Variants in THAP4 observed in about 807,000 individuals in gnomAD.
The protein encoded by THAP4 is peroxynitrite isomerase THAP4.
THAP4 carries 18 observed loss-of-function variants against 48.1 expected under a neutral mutation model. That is an observed-to-expected ratio of 0.37 (90% CI 0.26 to 0.56). THAP4 has a LOEUF of 0.56. Ranked by LOEUF, THAP4 falls within the 20% of genes least tolerant of loss-of-function variation. The pLI is 0.78. For missense variants in THAP4, 656 were observed against 774.9 expected, an observed-to-expected ratio of 0.85 and a Z score of 1.82; for synonymous variants, 345 against 324.9, an observed-to-expected ratio of 1.06 and a Z score of -0.66.
rs2067294921 is a variant in THAP4, at chr2:241,612,875, T to C, written c.1241-6402A>G. On this transcript the variant is annotated intron_variant, in intron 2 of 5. Transcript: ENST00000407315. This position sits in a 1 kb window ranked among gnomAD's most constrained non-coding sequence, Gnocchi z 4.1. ...CCTTCCAGATTGCAGGCGCGTGAGC[T>C]GGCTCACTGACACGTGCAGTGAGTG... 6.6e-6 allele frequency among the ~76,000 whole-genome samples: 1 copy of C among 152,228 alleles called. No individual in the cohort carries two copies. Among genetic ancestry groups the C allele is most frequent in the South Asian group, 2.1e-4 (1 of 4,836 alleles).
chr2:241,626,571 T>G (rs2067497993), intron 2 of THAP4, among the ~76,000 whole-genome samples: 1 of 142,190 alleles, frequency 7.0e-6, no homozygotes, highest in Admixed American at 7.1e-5. Context: ...ACAGTTTTTG[T>G]TTTTTTTTTT....
chr2:241,617,456 C>G, intron 2 of THAP4: 6 of 1,551,270 alleles, frequency 3.9e-6, no homozygotes, highest in Non-Finnish European at 5.2e-6. Context: ...CAAGGTTCCT[C>G]AAGGTTGTTT....
chr2:241,604,137 G>A (rs914620465), intron 3 of THAP4, among the ~76,000 whole-genome samples: 5 of 151,992 alleles, frequency 3.3e-5, no homozygotes, highest in Middle Eastern at 3.4e-3. Flanking sequence ...GGCTCGTCGC[G>A]GTCTCAGCTC....
At chr2:241,599,499 T>G (rs1260738473) in intron 5 of THAP4, among the ~76,000 whole-genome samples, 3 of 152,118 alleles carry the variant, frequency 2.0e-5, no homozygotes, top group African/African-American at 4.8e-5. Flanking sequence ...GAAGATTAAA[T>G]GGGAAAAAAT....
At chr2:241,596,406 C>A (rs1431163050) in intron 5 of THAP4, among the ~76,000 whole-genome samples, 1 of 148,650 alleles carries the variant, frequency 6.7e-6, no homozygotes, top group Non-Finnish European at 1.5e-5. Flanking sequence ...ACTTAGGAGG[C>A]TGAGGAAGGA....
At chr2:241,624,349 T>C (rs865831546) in intron 2 of THAP4, among the ~76,000 whole-genome samples, 2 of 151,918 alleles carry the variant, frequency 1.3e-5, no homozygotes, top group Non-Finnish European at 2.9e-5. Context: ...TAGCTGGGTG[T>C]GGTGGCGCGT....
Position 241,606,273 on chromosome 2 carries a change from C to G in THAP4, c.1400+41G>C, listed in dbSNP as rs974041924. The G allele has an allele frequency of 2.0e-6, 3 of 1,508,512 alleles. No individual in the cohort carries two copies. The African/African-American group carries it at 4.2e-5, about 21-fold the overall frequency. 93.4% of individuals were successfully genotyped at this position (1,508,512 alleles called of 1,614,324 possible). A position where few individuals can be genotyped will look rare whatever the true frequency, so the allele number is the denominator to read the frequency against. ...GAATTATTTTCAGAGACCTAGGCGGCCCATGAGTCAAGCAGGGTGGGGTGG... is the reference window on the plus strand; with the variant it reads ...GAATTATTTTCAGAGACCTAGGCGGGCCATGAGTCAAGCAGGGTGGGGTGG... On this transcript the variant is annotated intron_variant, in intron 3 of 5. Coordinates refer to ENST00000407315, the MANE Select transcript of THAP4 (RefSeq NM_015963.6).
In THAP4 at chr2:241,610,309, C is replaced by T. The variant is rs1420336361; in HGVS notation, c.1241-3836G>A. Among the ~76,000 whole-genome samples the T allele has an allele frequency of 2.6e-5, 4 of 152,152 alleles. No individual in the cohort carries two copies. The highest frequency in any genetic ancestry group is 4.1e-4 in the South Asian group (2 of 4,834). ...GGAAGCGCAGCCCCGCCTCAGGCGCCGCATCTCCGCCCTCTCTTGCGCCTG... is the reference window on the plus strand; with the variant it reads ...GGAAGCGCAGCCCCGCCTCAGGCGCTGCATCTCCGCCCTCTCTTGCGCCTG... On this transcript the variant is annotated intron_variant, in intron 2 of 5. Transcript: ENST00000407315. The surrounding 1 kb of genome is among the most constrained non-coding windows in gnomAD (Gnocchi z 4.2).
chr2:241,586,262 G>GAAAAAAAAA, intron 5 of THAP4, among the ~76,000 whole-genome samples: 1 of 83,988 alleles, frequency 1.2e-5, no homozygotes, highest in Non-Finnish European at 2.3e-5. Flanking sequence ...ATCTGAAGAG[G>GAAAAAAAAA]AAAAAAAAAA....
At chr2:241,593,077 C>A (rs2067005608) in intron 5 of THAP4, among the ~76,000 whole-genome samples, 1 of 152,012 alleles carries the variant, frequency 6.6e-6, no homozygotes, top group Non-Finnish European at 1.5e-5. Flanking sequence ...TCCCCCATCT[C>A]TATTAAAAAT....
chr2:241,594,360 G>C (rs1330898077), intron 5 of THAP4, among the ~76,000 whole-genome samples: 1 of 152,130 alleles, frequency 6.6e-6, no homozygotes, highest in Non-Finnish European at 1.5e-5. Flanking sequence ...AAGGCAGGAG[G>C]ATTGCTTAAG....
chr2:241,630,550 G>T (rs1014463890), intron 2 of THAP4, among the ~76,000 whole-genome samples: 1 of 152,114 alleles, frequency 6.6e-6, no homozygotes, highest in African/African-American at 2.4e-5. Flanking sequence ...AGGCCGAGGC[G>T]GGTGGATCAC....
In THAP4 at chr2:241,633,815, T is replaced by A. The variant is rs779916392; in HGVS notation, c.342A>T (p.Gly114=). ...CTCTGCTGGTGGCGGCACTCGAGTG[T>A]CCCCTCACACCCCCTGTGGCCTTGC... The part of the protein sequence containing the change: ...DASKATGGVR[G]HSSAATSRGA... The change falls in exon 2 of 6, where the codon GGA becomes GGT. Residue 114 remains glycine, a synonymous_variant. Coordinates refer to ENST00000407315, the MANE Select transcript of THAP4 (RefSeq NM_015963.6). The surrounding 1 kb of genome is among the most constrained non-coding windows in gnomAD (Gnocchi z 7.5). 6.8e-6 allele frequency: 11 copies of A among 1,613,542 alleles called. No homozygotes were observed. Among genetic ancestry groups the A allele is most frequent in the Admixed American group, 1.7e-5 (1 of 60,000 alleles).
intron 1 of THAP4, among the ~76,000 whole-genome samples, chr2:241,635,593 C>T (rs1374101420): frequency 6.6e-6 from 1 of 151,974 alleles, no homozygotes; most frequent in Non-Finnish European, 1.5e-5. Flanking sequence ...TATGGTGAAA[C>T]CCTGTCTCTA....
intron 2 of THAP4, among the ~76,000 whole-genome samples, chr2:241,608,775 A>G (rs1230660500): frequency 2.0e-5 from 3 of 152,222 alleles, no homozygotes; most frequent in Non-Finnish European, 4.4e-5. Flanking sequence ...TTAGGAGATG[A>G]GGCAGAAAGG....
chr2:241,627,819 G>A (rs541689774), intron 2 of THAP4, among the ~76,000 whole-genome samples: 73 of 152,228 alleles, frequency 4.8e-4, no homozygotes, highest in Non-Finnish European at 8.4e-4. Flanking sequence ...TGCCCACACC[G>A]CATGCCCAGC....
chr2:241,637,068 C>T lies in THAP4; in HGVS notation c.-51G>A. 2 of 1,105,610 alleles carry T rather than the reference C, an allele frequency of 1.8e-6. No homozygotes were observed. Among genetic ancestry groups the T allele is most frequent in the East Asian group, 7.6e-5 (1 of 13,174 alleles). 68.5% of individuals were successfully genotyped at this position (1,105,610 alleles called of 1,614,324 possible). On this transcript the variant is annotated 5_prime_UTR_variant, in exon 1 of 6. Coordinates refer to ENST00000407315, the MANE Select transcript of THAP4 (RefSeq NM_015963.6). ...CCAGGCCCCGGCCCTAGCCGCCCGCCCGCCCGCGGACCGCCCCGAGGGAGG... is the reference window on the plus strand; with the variant it reads ...CCAGGCCCCGGCCCTAGCCGCCCGCTCGCCCGCGGACCGCCCCGAGGGAGG...
intron 5 of THAP4, among the ~76,000 whole-genome samples, chr2:241,598,777 G>C (rs1034807682): frequency 3.9e-5 from 6 of 151,990 alleles, no homozygotes; most frequent in Non-Finnish European, 7.4e-5. Flanking sequence ...AGGAAGACAA[G>C]GGGGAAAAAC....
At chr2:241,609,112 G>C (rs1040937201) in intron 2 of THAP4, among the ~76,000 whole-genome samples, 1 of 152,252 alleles carries the variant, frequency 6.6e-6, no homozygotes, top group African/African-American at 2.4e-5. Flanking sequence ...GCCAGGGAGG[G>C]CAATGGCAAA....
Sources: gnomAD v4.1 joint callset for allele counts (sites outside exome capture counted in the v4.1 genomes callset) on GRCh38, gnomAD v4.1.1 for gene constraint, Gnocchi (gnomAD v3.1) non-coding constraint, MANE v1.5 for transcripts, NCBI Gene and HGNC (gene_info 2026-07-23, HGNC 2026-07-21) for gene names.